VIT: variants seen among roughly 807,000 people sequenced by gnomAD.
VIT encodes vitrin.
VIT carries 99 observed loss-of-function variants against 78.0 expected under a neutral mutation model. That is an observed-to-expected ratio of 1.27 (90% CI 1.08 to 1.50). The LOEUF (loss-of-function observed/expected upper bound fraction) is 1.50. Ranked by LOEUF, VIT falls within the 40% of genes most tolerant of loss-of-function variation. VIT has a pLI of 0.00. For synonymous variants in VIT, 374 were observed against 334.3 expected (o/e 1.12, Z -1.29); for missense variants, 1,126 against 875.3 (o/e 1.29, Z -3.61).
intron 11 of VIT, among the ~76,000 whole-genome samples, chr2:36,785,080 C>A (rs778384771): frequency 2.2e-4 from 33 of 152,204 alleles, no homozygotes; most frequent in Non-Finnish European, 4.4e-4. Context: ...ATAGATGCTA[C>A]AATATCCATG....
intron 1 of VIT, among the ~76,000 whole-genome samples, chr2:36,702,844 C>T (rs1665151777): frequency 1.3e-5 from 2 of 152,154 alleles, no homozygotes; most frequent in South Asian, 4.1e-4. Flanking sequence ...ACCTGTAGTT[C>T]CCTGGATGTT....
At position 36,765,435 on chromosome 2, in the gene VIT, A is replaced by AGAGAGAGAGAGAGAGAGAGAGAG. The variant is rs1553372934; in HGVS notation, c.488-1659_488-1658insGAGAGAGAGAGAGAGAGAGAGAG. 3.9e-4 allele frequency among the ~76,000 whole-genome samples: 53 copies of AGAGAGAGAGAGAGAGAGAGAGAG among 135,372 alleles called. 2 individuals are homozygous for AGAGAGAGAGAGAGAGAGAGAGAG. Among genetic ancestry groups the AGAGAGAGAGAGAGAGAGAGAGAG allele is most frequent in the Non-Finnish European group, 6.1e-4 (38 of 62,628 alleles). 88.8% of individuals were successfully genotyped at this position (135,372 alleles called of 152,430 possible). ...CAGGCGAGAGAGAGAGAGAGAGAGA[A>AGAGAGAGAGAGAGAGAGAGAGAG]AGAGAGAGAGAGGAAAAACTGCCTT... On this transcript the variant is annotated intron_variant, in intron 6 of 15. Transcript: ENST00000379242.
At chr2:36,796,508 C>T (rs538020453) in intron 12 of VIT, among the ~76,000 whole-genome samples, 7 of 152,160 alleles carry the variant, frequency 4.6e-5, no homozygotes, top group Admixed American at 1.3e-4. Context: ...GACAGGGAAT[C>T]GACAATTGCT....
At chr2:36,758,543 T>A (rs1233557877) in intron 5 of VIT, among the ~76,000 whole-genome samples, 1 of 152,232 alleles carries the variant, frequency 6.6e-6, no homozygotes, top group Admixed American at 6.5e-5. Flanking sequence ...GCTATGAAAT[T>A]CAAATGAATC....
intron 15 of VIT, among the ~76,000 whole-genome samples, chr2:36,810,839 G>A (rs987431489): frequency 7.2e-5 from 11 of 152,008 alleles, no homozygotes; most frequent in African/African-American, 9.7e-5. Flanking sequence ...TCACCGCATT[G>A]GCCAGGCTTT....
At chr2:36,739,103 G>A (rs1667677680) in intron 3 of VIT, among the ~76,000 whole-genome samples, 1 of 152,024 alleles carries the variant, frequency 6.6e-6, no homozygotes, top group Non-Finnish European at 1.5e-5. Context: ...ATATCACAGT[G>A]CAACAAAATT....
At chr2:36,780,803 A>G (rs980233374) in intron 9 of VIT, among the ~76,000 whole-genome samples, 1 of 150,946 alleles carries the variant, frequency 6.6e-6, no homozygotes, top group Non-Finnish European at 1.5e-5. Flanking sequence ...TAAAATAGAG[A>G]AGGAGGGAGG....
intron 4 of VIT, among the ~76,000 whole-genome samples, chr2:36,752,605 G>T (rs1253176812): frequency 2.0e-5 from 3 of 152,152 alleles, no homozygotes; most frequent in Non-Finnish European, 4.4e-5. Context: ...AATTACCATG[G>T]CTCTGAGCCC....
chr2:36,738,857 C>T (rs2148506994), intron 3 of VIT, among the ~76,000 whole-genome samples: 1 of 152,204 alleles, frequency 6.6e-6, no homozygotes, highest in East Asian at 1.9e-4. Flanking sequence ...TTCCTAATGG[C>T]AGCAAAAACC....
intron 13 of VIT, among the ~76,000 whole-genome samples, chr2:36,802,324 C>G (rs1253394804): frequency 6.6e-6 from 1 of 152,154 alleles, no homozygotes; most frequent in Non-Finnish European, 1.5e-5. Context: ...GGGAGACTGT[C>G]CACCTCTCGG....
intron 13 of VIT, among the ~76,000 whole-genome samples, chr2:36,804,316 AC>A (rs1451741272): frequency 6.6e-6 from 1 of 152,064 alleles, no homozygotes; most frequent in Non-Finnish European, 1.5e-5. Flanking sequence ...GCCCAACCAG[AC>A]CTGTGCCCTT....
chr2:36,715,290 A>T (rs1490892616), intron 1 of VIT, among the ~76,000 whole-genome samples: 1 of 152,208 alleles, frequency 6.6e-6, no homozygotes, highest in Non-Finnish European at 1.5e-5. Context: ...CTGTAATTCC[A>T]GCACTTTGGG....
intron 1 of VIT, among the ~76,000 whole-genome samples, chr2:36,697,432 T>C (rs189501475): frequency 1.1e-4 from 16 of 152,362 alleles, no homozygotes; most frequent in African/African-American, 2.9e-4. Context: ...AGAGAAACTA[T>C]TTCGTGTGGA....
chr2:36,701,679 G>A (rs1200922730), intron 1 of VIT, among the ~76,000 whole-genome samples: 1 of 152,158 alleles, frequency 6.6e-6, no homozygotes, highest in African/African-American at 2.4e-5. Flanking sequence ...AAGGGATCAG[G>A]TCACTGGCAC....
chr2:36,788,988 C>A (rs1257219972), intron 12 of VIT, among the ~76,000 whole-genome samples: 1 of 152,162 alleles, frequency 6.6e-6, no homozygotes, highest in Non-Finnish European at 1.5e-5. Flanking sequence ...ATGTGATCGC[C>A]ATTCACAAGC....
chr2:36,697,464 A>G (rs1664750862), intron 1 of VIT, among the ~76,000 whole-genome samples: 1 of 148,954 alleles, frequency 6.7e-6, no homozygotes, highest in Non-Finnish European at 1.5e-5. Flanking sequence ...CTCTATTCAG[A>G]CAGATTTCAG....
intron 7 of VIT, among the ~76,000 whole-genome samples, chr2:36,768,309 A>G (rs1669557084): frequency 1.3e-5 from 2 of 152,078 alleles, no homozygotes; most frequent in African/African-American, 4.8e-5. Context: ...GCACGTGCCT[A>G]TAGTCCCAGC....
At chr2:36,772,232 G>T (rs1478791631) in intron 7 of VIT, among the ~76,000 whole-genome samples, 1 of 150,568 alleles carries the variant, frequency 6.6e-6, no homozygotes, top group Non-Finnish European at 1.5e-5. Context: ...AACAGAGCAA[G>T]ACCCCTGACT....
At chr2:36,803,431 T>A (rs1317562119) in intron 13 of VIT, among the ~76,000 whole-genome samples, 2 of 152,218 alleles carry the variant, frequency 1.3e-5, no homozygotes, top group Non-Finnish European at 2.9e-5. Context: ...TGTTGAGCAC[T>A]ATACACCATG....
Sources: gnomAD v4.1 joint callset for allele counts (sites outside exome capture counted in the v4.1 genomes callset) on GRCh38, gnomAD v4.1.1 for gene constraint, MANE v1.5 for transcripts, NCBI Gene and HGNC (gene_info 2026-07-23, HGNC 2026-07-21) for gene names.